SUFU: variants seen among roughly 807,000 people sequenced by gnomAD.
SUFU encodes the protein SUFU negative regulator of hedgehog signaling, also known as suppressor of fused homolog.
Under a neutral mutation model 58.9 loss-of-function variants are expected in SUFU, and 7 were observed. That is an observed-to-expected ratio of 0.12 (90% CI 0.07 to 0.22). The LOEUF (loss-of-function observed/expected upper bound fraction) is 0.22. SUFU is among the 10% of genes least tolerant of loss of function. The pLI, the probability that SUFU is intolerant of heterozygous loss-of-function variation, is 1.00. For missense variants in SUFU, 451 were observed against 641.3 expected (o/e 0.70, Z 3.20); for synonymous variants, 232 against 254.8 (o/e 0.91, Z 0.85).
chr10:102,556,792 G>A (rs1009926224), intron 3 of SUFU, among the ~76,000 whole-genome samples: 38 of 149,930 alleles, frequency 2.5e-4, no homozygotes, highest in African/African-American at 9.3e-4. Context: ...AGGGAGGAAG[G>A]AAGGAAGGAA....
rs575518599 is a variant in SUFU, at chr10:102,538,560, A to G, written c.318-11410A>G. ...AAAAAGACTTTTTTAGAGCCGTTTTAGGTTCTCAGCAAAATTGAGCAGAAA... is the reference window on the plus strand; with the variant it reads ...AAAAAGACTTTTTTAGAGCCGTTTTGGGTTCTCAGCAAAATTGAGCAGAAA... On this transcript the variant is annotated intron_variant, in intron 2 of 11. Transcript: ENST00000369902. Among the ~76,000 whole-genome samples the G allele has an allele frequency of 6.9e-4, 105 of 151,298 alleles. 1 individual carries two copies. The highest frequency in any genetic ancestry group is 1.3e-3 in the Non-Finnish European group (89 of 67,812).
Position 102,630,573 on chromosome 10 carries a change from G to C in SUFU, c.*418G>C. On this transcript the variant is annotated 3_prime_UTR_variant, in exon 12 of 12. Transcript: ENST00000369902. ...GCAGAGCGAGTGGATGCACTTCCCA[G>C]CTCATCTCTGGAAGCCTTTGCTACT... 1 of 358,702 alleles carries C rather than the reference G, an allele frequency of 2.8e-6. No individual in the cohort carries two copies. The highest frequency in any genetic ancestry group is 3.8e-5 in the South Asian group (1 of 26,252). 22.2% of individuals were successfully genotyped at this position (358,702 alleles called of 1,614,324 possible). A position where few individuals can be genotyped will look rare whatever the true frequency, so the allele number is the denominator to read the frequency against.
rs1444836223 is a variant in SUFU at position 102,632,329 on chromosome 10, G to A, written c.*2174G>A. The A allele has an allele frequency of 4.3e-6, 1 of 233,224 alleles. No homozygotes were observed. Among genetic ancestry groups the A allele is most frequent in the African/African-American group, 2.2e-5 (1 of 45,326 alleles). The allele number at this position is 233,224 out of a possible 1,614,324, so 14.4% of individuals were successfully genotyped here. On this transcript the variant is annotated 3_prime_UTR_variant, in exon 12 of 12. Transcript: ENST00000369902. The stretch of plus-strand genomic sequence containing the variant: ...GGGTAAGGCAGGAGGAAGTGGGTGA[G>A]CTCCGAGATGATGAGCACATGAAGC...
chr10:102,551,643 A>T (rs2062916932), intron 3 of SUFU, among the ~76,000 whole-genome samples: 2 of 151,832 alleles, frequency 1.3e-5, no homozygotes, highest in African/African-American at 4.8e-5. Context: ...GTATCAAAAA[A>T]AAAAAAGTAA....
Position 102,618,931 on chromosome 10 carries a change from C to CGCGCGTGT in SUFU, c.1296+1504_1296+1505insCGCGTGTG, listed in dbSNP as rs370307566. 91 of 575,442 alleles carry CGCGCGTGT rather than the reference C, an allele frequency of 1.6e-4. No homozygotes were observed. In the African/African-American group the frequency reaches 2.1e-3, roughly 13 times the overall value. 35.6% of individuals were successfully genotyped at this position (575,442 alleles called of 1,614,324 possible). A position where few individuals can be genotyped will look rare whatever the true frequency, so the allele number is the denominator to read the frequency against. ...ATCATTCCCAAGTGTCCTCAGGTAG[C>CGCGCGTGT]GTGTGTGTGTGTGTGTGTGTGTGTG... On this transcript the variant is annotated intron_variant, in intron 10 of 11. Transcript: ENST00000369902.
chr10:102,529,569 C>T (rs1288823679), intron 2 of SUFU, among the ~76,000 whole-genome samples: 4 of 152,120 alleles, frequency 2.6e-5, no homozygotes, highest in South Asian at 2.1e-4. Flanking sequence ...GTCAGGAGTT[C>T]GAGACCAGCC....
chr10:102,625,958 C>T lies in SUFU; in HGVS notation c.1297-1217C>T, dbSNP rs2135951932. Among the ~76,000 whole-genome samples, 1 of 152,322 alleles carries T rather than the reference C, an allele frequency of 6.6e-6. No homozygotes were observed. Among genetic ancestry groups the T allele is most frequent in the Non-Finnish European group, 1.5e-5 (1 of 68,036 alleles). ...CCTGGTGGGTATTTTTTCAAGTTCT[C>T]AATTCTCCTCCTCACAGGGAGGGTT... On this transcript the variant is annotated intron_variant, in intron 10 of 11. Coordinates refer to ENST00000369902, the MANE Select transcript of SUFU (RefSeq NM_016169.4). The surrounding 1 kb of genome is among the most constrained non-coding windows in gnomAD (Gnocchi z 4.7).
chr10:102,538,888 G>A (rs2062770125), intron 2 of SUFU, among the ~76,000 whole-genome samples: 1 of 152,226 alleles, frequency 6.6e-6, no homozygotes, highest in Admixed American at 6.5e-5. Flanking sequence ...CAGGAAGGGT[G>A]GCAGAGCTAG....
chr10:102,599,240 G>C (rs549358453), intron 7 of SUFU, among the ~76,000 whole-genome samples, 193 bp from the exon 8 acceptor site: 1 of 152,312 alleles, frequency 6.6e-6, no homozygotes, highest in East Asian at 1.9e-4. Flanking sequence ...CCAACCCAGA[G>C]CTTCTTAAGA....
chr10:102,561,830 G>C (rs181622621), intron 3 of SUFU, among the ~76,000 whole-genome samples: 45 of 151,938 alleles, frequency 3.0e-4, no homozygotes, highest in African/African-American at 9.9e-4. Flanking sequence ...CACCACACCC[G>C]GCTAATTTTT....
chr10:102,632,895 T>C lies in SUFU; in HGVS notation c.*2740T>C. 4.3e-6 allele frequency: 1 copy of C among 233,616 alleles called. No homozygotes were observed. The highest frequency in any genetic ancestry group is 2.2e-5 in the African/African-American group (1 of 45,462). 14.5% of individuals were successfully genotyped at this position (233,616 alleles called of 1,614,324 possible). A position where few individuals can be genotyped will look rare whatever the true frequency, so the allele number is the denominator to read the frequency against. On this transcript the variant is annotated 3_prime_UTR_variant, in exon 12 of 12. Coordinates refer to ENST00000369902, the MANE Select transcript of SUFU (RefSeq NM_016169.4). The stretch of plus-strand genomic sequence containing the variant: ...CTCAGCTGCAATTCTGAGGGGGGTT[T>C]GGGAGGCTTGTGCGAGGTCTCAGGC...
intron 2 of SUFU, among the ~76,000 whole-genome samples, chr10:102,541,747 T>G (rs2062803450): frequency 7.2e-6 from 1 of 138,940 alleles, no homozygotes; most frequent in Non-Finnish European, 1.5e-5. Context: ...TTGCTCTTGG[T>G]GCCCAAGCTG....
Position 102,619,505 on chromosome 10 carries a change from G to A in SUFU, c.1296+2077G>A. 1 of 1,134,630 alleles carries A rather than the reference G, an allele frequency of 8.8e-7. No individual in the cohort carries two copies. 70.3% of individuals were successfully genotyped at this position (1,134,630 alleles called of 1,614,324 possible). ...TGGGCTCATTAGTGTGGTCCACCAC[G>A]GGGCCGGCTCACAGGAGAGCTCCTG... is the stretch of plus-strand genomic sequence containing the variant. On this transcript the variant is annotated intron_variant, in intron 10 of 11. Coordinates refer to ENST00000369902, the MANE Select transcript of SUFU (RefSeq NM_016169.4). This position sits in a 1 kb window ranked among gnomAD's most constrained non-coding sequence, Gnocchi z 4.2.
At position 102,630,504 on chromosome 10, in the gene SUFU, C is replaced by T; in HGVS notation, c.*349C>T. 4.5e-6 allele frequency: 2 copies of T among 448,176 alleles called. No individual in the cohort carries two copies. The highest frequency in any genetic ancestry group is 4.3e-5 in the South Asian group (2 of 46,946). The allele number at this position is 448,176 out of a possible 1,614,324, so 27.8% of individuals were successfully genotyped here. On this transcript the variant is annotated 3_prime_UTR_variant, in exon 12 of 12. Transcript: ENST00000369902. The stretch of plus-strand genomic sequence containing the variant: ...TGGAGACAGCCCTCTTTCTCACCTA[C>T]CCCCTGCCGCACAGCCCAGCAGGAG...
At chr10:102,568,874 CAAAAAA>C (rs59877393) in intron 3 of SUFU, among the ~76,000 whole-genome samples, 1,145 of 14,526 alleles carry the variant, frequency 0.079, 80 homozygotes, top group Middle Eastern at 0.31. Flanking sequence ...AACTCTGTCT[CAAAAAA>C]AAAAAAAAAA....
rs748551780 is a variant in SUFU at position 102,550,150 on chromosome 10, A to G, written c.454+44A>G. 3.7e-6 allele frequency: 6 copies of G among 1,613,414 alleles called. No individual in the cohort carries two copies. In the African/African-American group the frequency reaches 6.7e-5, roughly 18 times the overall value. ...CTGCTGTGCTGGTCCTTTTGCCATG[A>G]GCCTGGTTGACTTTGAGTACTAGCA... is the stretch of plus-strand genomic sequence containing the variant. On this transcript the variant is annotated intron_variant, in intron 3 of 11. Coordinates refer to ENST00000369902, the MANE Select transcript of SUFU (RefSeq NM_016169.4).
chr10:102,504,379 G>T (rs778641121), intron 1 of SUFU, 45 bp downstream of exon 1: 1 of 1,608,618 alleles, frequency 6.2e-7, no homozygotes, highest in Admixed American at 1.7e-5. Flanking sequence ...GGGCTGGAAA[G>T]GGTTAAAGCG....
intron 3 of SUFU, among the ~76,000 whole-genome samples, chr10:102,577,132 G>T (rs2063220902): frequency 7.9e-6 from 1 of 126,830 alleles, no homozygotes; most frequent in Admixed American, 9.6e-5. Context: ...TGCCCAGTCT[G>T]GAGTGCAGTG....
At chr10:102,554,976 T>A (rs976234980) in intron 3 of SUFU, among the ~76,000 whole-genome samples, 3 of 152,086 alleles carry the variant, frequency 2.0e-5, no homozygotes, top group Admixed American at 1.3e-4. Flanking sequence ...TTTAAAAACT[T>A]TATATGGATT....
Sources: allele counts gnomAD v4.1 joint callset (sites outside exome capture counted in the v4.1 genomes callset), GRCh38; gene constraint gnomAD v4.1.1; non-coding constraint Gnocchi (gnomAD v3.1); transcripts MANE v1.5; gene names NCBI Gene and HGNC (gene_info 2026-07-23, HGNC 2026-07-21).